SYT17: variants seen among roughly 807,000 people sequenced by gnomAD.
The protein encoded by SYT17 is synaptotagmin-17.
SYT17 carries 22 observed loss-of-function variants against 46.7 expected under a neutral mutation model. The ratio of observed to expected loss-of-function variants is 0.47; its 90% CI spans 0.34 to 0.67. The LOEUF (loss-of-function observed/expected upper bound fraction) is 0.67, where lower values mean the gene tolerates loss of function less well. SYT17 is among the 30% of genes least tolerant of loss of function. The pLI, the probability that SYT17 is intolerant of heterozygous loss-of-function variation, is 0.01. For missense variants in SYT17, 519 were observed against 612.8 expected, an observed-to-expected ratio of 0.85 and a Z score of 1.62; for synonymous variants, 251 against 248.4, an observed-to-expected ratio of 1.01 and a Z score of -0.10.
intron 7 of SYT17, among the ~76,000 whole-genome samples, chr16:19,266,365 G>A (rs911001855): frequency 5.3e-5 from 8 of 152,198 alleles, no homozygotes; most frequent in South Asian, 4.1e-4. Context: ...GTAGGTACCC[G>A]GGATGCTGCT....
rs1333771711 is a variant in SYT17 at position 19,184,003 on chromosome 16, C to T, written c.807C>T (p.Ala269=). ...RYTFEIPFLE[A]QRRTLLLTVV... ...CCTTCGAGATCCCCTTCCTGGAGGC[C>T]CAGAGGAGGACCCTGCTCCTGACCG... Residue 269 remains alanine (A), a synonymous_variant, in exon 5 of 8, where the codon GCC becomes GCT. Transcript: ENST00000355377. The T allele has an allele frequency of 1.2e-6, 2 of 1,614,086 alleles. No homozygotes were observed. Among genetic ancestry groups the T allele is most frequent in the Admixed American group, 3.3e-5 (2 of 60,014 alleles).
In SYT17 at chr16:19,183,572, C is replaced by T. The variant is rs1222244829; in HGVS notation, c.376C>T (p.Pro126Ser). 1.2e-6 allele frequency: 2 copies of T among 1,614,240 alleles called. No homozygotes were observed. The highest frequency in any genetic ancestry group is 1.7e-6 in the Non-Finnish European group (2 of 1,180,042). The change falls in exon 5 of 8, where the codon CCC becomes TCC. Residue 126 changes from proline to serine, a missense_variant. By Grantham distance (74) the Pro-to-Ser change is moderately conservative. Transcript: ENST00000355377. This position sits in a 1 kb window ranked among gnomAD's most constrained non-coding sequence, Gnocchi z 5.6. ...CAGCTCTCCACTCATCGATATTAAA[C>T]CCATCGAGTTTGGCGTTCTCAGCGC... ...RPSSPLIDIK[P>S]IEFGVLSAKK...
At chr16:19,190,754 A>G (rs1259901438) in intron 5 of SYT17, among the ~76,000 whole-genome samples, 1 of 148,378 alleles carries the variant, frequency 6.7e-6, no homozygotes, top group Admixed American at 6.9e-5. Flanking sequence ...CTAAGGCTGA[A>G]CTGAATAATA....
At chr16:19,189,335 TG>T (rs1567204351) in intron 5 of SYT17, among the ~76,000 whole-genome samples, 2 of 145,480 alleles carry the variant, frequency 1.4e-5, no homozygotes, top group Admixed American at 6.8e-5. Flanking sequence ...GACCTCAACC[TG>T]TCTTTTTTTT....
chr16:19,231,475 A>G (rs1477791101), intron 7 of SYT17, among the ~76,000 whole-genome samples: 1 of 139,504 alleles, frequency 7.2e-6, no homozygotes. Context: ...GGAGGCTAAG[A>G]TCATGCCATA....
chr16:19,246,702 G>A (rs1166914539), intron 7 of SYT17, among the ~76,000 whole-genome samples: 1 of 152,194 alleles, frequency 6.6e-6, no homozygotes, highest in Non-Finnish European at 1.5e-5. Context: ...CATCCAAAAT[G>A]TATATGCTTT....
intron 5 of SYT17, among the ~76,000 whole-genome samples, chr16:19,197,933 C>T (rs544453729): frequency 4.6e-5 from 7 of 152,256 alleles, no homozygotes; most frequent in South Asian, 2.1e-4. Flanking sequence ...ACAAGGGAGG[C>T]GATCTCATGA....
intron 7 of SYT17, among the ~76,000 whole-genome samples, chr16:19,249,520 T>C (rs1967875129): frequency 6.6e-6 from 1 of 152,174 alleles, no homozygotes; most frequent in Admixed American, 6.5e-5. Flanking sequence ...AATGGATGGA[T>C]TTTATTCTGT....
At chr16:19,264,107 C>T (rs1969193400) in intron 7 of SYT17, among the ~76,000 whole-genome samples, 1 of 152,220 alleles carries the variant, frequency 6.6e-6, no homozygotes, top group African/African-American at 2.4e-5. Context: ...GAAGATACCA[C>T]CTATGAGGAA....
At chr16:19,173,244 G>A (rs189048735) in intron 2 of SYT17, 186 bp from the exon 3 acceptor site, 10 of 558,298 alleles carry the variant, frequency 1.8e-5, no homozygotes, top group African/African-American at 5.7e-5. Flanking sequence ...GCCTGCAGTT[G>A]GTAAATAGAA....
chr16:19,244,903 G>A (rs1030927192), intron 7 of SYT17, among the ~76,000 whole-genome samples: 1 of 152,202 alleles, frequency 6.6e-6, no homozygotes, highest in Non-Finnish European at 1.5e-5. Context: ...CTCTGAAGGA[G>A]AGGCTGGGAA....
Position 19,183,806 on chromosome 16 carries a change from C to A in SYT17, c.610C>A (p.Arg204Ser), listed in dbSNP as rs150476528. The A allele has an allele frequency of 6.2e-7, 1 of 1,614,072 alleles. No individual in the cohort carries two copies. Among genetic ancestry groups the A allele is most frequent in the Admixed American group, 1.7e-5 (1 of 60,006 alleles). ...CCTGCTGCACAACCACCTCACCGTG[C>A]GCGTGATCGAGGCCAGGGACCTGCC... ...YDLLHNHLTV[R>S]VIEARDLPPP... The change falls in exon 5 of 8, where the codon CGC (arginine) becomes AGC (serine). Residue 204 changes from arginine (R) to serine (S), a missense_variant. Physicochemically the swap from Arg to Ser is moderately radical, Grantham distance 110. Coordinates refer to ENST00000355377, the MANE Select transcript of SYT17 (RefSeq NM_016524.4). The surrounding 1 kb of genome is among the most constrained non-coding windows in gnomAD (Gnocchi z 5.6).
intron 5 of SYT17, among the ~76,000 whole-genome samples, chr16:19,220,423 C>G (rs989978630): frequency 1.3e-5 from 2 of 150,380 alleles, no homozygotes; most frequent in African/African-American, 4.9e-5. Flanking sequence ...CTCAGCCTCC[C>G]AAGTAGCTGG....
chr16:19,203,844 G>A (rs1196878406), intron 5 of SYT17, among the ~76,000 whole-genome samples: 1 of 152,222 alleles, frequency 6.6e-6, no homozygotes. Context: ...GGTGGGCTGC[G>A]CATGGGATGG....
intron 7 of SYT17, among the ~76,000 whole-genome samples, chr16:19,237,973 A>T (rs1043008617): frequency 6.6e-6 from 1 of 152,240 alleles, no homozygotes; most frequent in African/African-American, 2.4e-5. Context: ...TTCTAAGTAC[A>T]TTGAGACGTC....
chr16:19,250,179 T>C (rs1182260398), intron 7 of SYT17: 1 of 1,164,658 alleles, frequency 8.6e-7, no homozygotes, highest in East Asian at 2.7e-5. Flanking sequence ...TGAACACCCA[T>C]ATTTCTACCC....
intron 7 of SYT17, among the ~76,000 whole-genome samples, chr16:19,231,306 C>T (rs529441562): frequency 1.4e-4 from 21 of 152,208 alleles, no homozygotes; most frequent in African/African-American, 4.6e-4. Context: ...CACAGTGGCT[C>T]ATGCCTGTAA....
intron 7 of SYT17, among the ~76,000 whole-genome samples, chr16:19,230,467 T>G (rs1309834214): frequency 3.9e-5 from 6 of 152,052 alleles, no homozygotes; most frequent in Non-Finnish European, 8.8e-5. Flanking sequence ...GTGAATATAC[T>G]TAATGCCACT....
intron 3 of SYT17, 67 bp from the exon 4 acceptor site, chr16:19,180,324 C>T: frequency 1.9e-6 from 3 of 1,583,612 alleles, no homozygotes; most frequent in Non-Finnish European, 2.6e-6. Flanking sequence ...TCTTAACCCC[C>T]AAGGGACAGA....
Sources: gnomAD v4.1 joint callset for allele counts (sites outside exome capture counted in the v4.1 genomes callset) on GRCh38, gnomAD v4.1.1 for gene constraint, Gnocchi (gnomAD v3.1) non-coding constraint, MANE v1.5 for transcripts, NCBI Gene and HGNC (gene_info 2026-07-23, HGNC 2026-07-21) for gene names.